TOP1: variants seen among roughly 807,000 people sequenced by gnomAD.
TOP1 encodes DNA topoisomerase I.
TOP1 carries 10 observed loss-of-function variants against 111.1 expected under a neutral mutation model. The ratio of observed to expected loss-of-function variants is 0.09; its 90% CI spans 0.06 to 0.15. TOP1 has a LOEUF of 0.15. Among genes scored for constraint, TOP1 ranks in the 10% least tolerant of loss-of-function variants. The pLI is 1.00. For synonymous variants in TOP1, 271 were observed against 302.9 expected (o/e 0.89, Z 1.10); for missense variants, 474 against 926.7 (o/e 0.51, Z 6.34).
intron 8 of TOP1, among the ~76,000 whole-genome samples, chr20:41,091,552 CTTT>C (rs532948716): frequency 1.0e-5 from 1 of 96,218 alleles, no homozygotes; most frequent in Non-Finnish European, 1.9e-5. Context: ...AATTATTAAC[CTTT>C]TTTTTTTTTT....
intron 3 of TOP1, among the ~76,000 whole-genome samples, chr20:41,072,094 T>G (rs1253786305): frequency 6.6e-6 from 1 of 152,196 alleles, no homozygotes; most frequent in Non-Finnish European, 1.5e-5. Context: ...ACCCTGAAGG[T>G]TTTTATCCTT....
At chr20:41,064,467 C>G (rs2033583501) in intron 3 of TOP1, among the ~76,000 whole-genome samples, 2 of 152,212 alleles carry the variant, frequency 1.3e-5, no homozygotes, top group Admixed American at 1.3e-4. Context: ...TCACCTCTTT[C>G]TAATGCACAG....
rs1202391736 is a variant in TOP1, at chr20:41,034,024, G to C, written c.58+4569G>C. Among the ~76,000 whole-genome samples, 1 of 152,106 alleles carries C rather than the reference G, an allele frequency of 6.6e-6. No individual in the cohort carries two copies. Among genetic ancestry groups the C allele is most frequent in the Non-Finnish European group, 1.5e-5 (1 of 68,010 alleles). On this transcript the variant is annotated intron_variant, in intron 2 of 20. Transcript: ENST00000361337. The surrounding 1 kb of genome is among the most constrained non-coding windows in gnomAD (Gnocchi z 4.0). ...ATTGAAAGAATAGTAAAATATATTG[G>C]ATGTGGAGGTGAGAGTCAGTTGAGT...
At position 41,074,652 on chromosome 20, in the gene TOP1, C is replaced by T. The variant is rs187106106; in HGVS notation, c.156-1519C>T. On this transcript the variant is annotated intron_variant, in intron 3 of 20. Coordinates refer to ENST00000361337, the MANE Select transcript of TOP1 (RefSeq NM_003286.4). Reference sequence around the variant, plus strand: ...TGTGCAGGGTGTAATAGCAGATGTTCTCCTGATCTAGATTTTGTTGCTCTG... The same window carrying T: ...TGTGCAGGGTGTAATAGCAGATGTTTTCCTGATCTAGATTTTGTTGCTCTG... Among the ~76,000 whole-genome samples, 45 of 152,282 alleles carry T rather than the reference C, an allele frequency of 3.0e-4. No homozygotes were observed. In the East Asian group the frequency reaches 6.7e-3, roughly 23 times the overall value.
At chr20:41,077,446 A>G (rs2033741497) in intron 4 of TOP1, 136 bp from the exon 5 acceptor site, 1 of 666,458 alleles carries the variant, frequency 1.5e-6, no homozygotes, top group Admixed American at 2.5e-5. Context: ...CCTTTAGTTC[A>G]TCTGTTCAGT....
At chr20:41,093,390 G>A (rs1300010378) in intron 9 of TOP1, among the ~76,000 whole-genome samples, 4 of 151,954 alleles carry the variant, frequency 2.6e-5, no homozygotes, top group African/African-American at 9.7e-5. Context: ...ACAGTTGTGG[G>A]GTGGGCTTCT....
At chr20:41,085,502 T>A (rs970885325) in intron 8 of TOP1, among the ~76,000 whole-genome samples, 49 of 152,256 alleles carry the variant, frequency 3.2e-4, no homozygotes, top group Admixed American at 3.3e-4. Context: ...AACATGTTTT[T>A]AAAAAATACT....
intron 7 of TOP1, among the ~76,000 whole-genome samples, chr20:41,081,525 G>A (rs546866346): frequency 6.6e-6 from 1 of 152,282 alleles, no homozygotes; most frequent in African/African-American, 2.4e-5. Context: ...CAAAAACTAT[G>A]TCATCTTCAT....
At position 41,109,691 on chromosome 20, in the gene TOP1, G is replaced by A. The variant is rs139641064; in HGVS notation, c.1309-3091G>A. On this transcript the variant is annotated intron_variant, in intron 13 of 20. Coordinates refer to ENST00000361337, the MANE Select transcript of TOP1 (RefSeq NM_003286.4). The surrounding 1 kb of genome is among the most constrained non-coding windows in gnomAD (Gnocchi z 4.1). ...CTATACAAAAGAAGATACAGGAATG[G>A]TCAATAAATAAGCAAATGAAAGAGT... is the stretch of plus-strand genomic sequence containing the variant. Among the ~76,000 whole-genome samples, 128 of 152,280 alleles carry A rather than the reference G, an allele frequency of 8.4e-4. No individual in the cohort carries two copies. Among genetic ancestry groups the A allele is most frequent in the Admixed American group, 2.7e-3 (41 of 15,296 alleles).
At position 41,095,992 on chromosome 20, in the gene TOP1, A is replaced by G. The variant is rs1330045396; in HGVS notation, c.731-1228A>G. Among the ~76,000 whole-genome samples the G allele has an allele frequency of 6.6e-6, 1 of 152,228 alleles. No individual in the cohort carries two copies. Among genetic ancestry groups the G allele is most frequent in the Admixed American group, 6.5e-5 (1 of 15,292 alleles). On this transcript the variant is annotated intron_variant, in intron 9 of 20. Coordinates refer to ENST00000361337, the MANE Select transcript of TOP1 (RefSeq NM_003286.4). The surrounding 1 kb of genome is among the most constrained non-coding windows in gnomAD (Gnocchi z 4.6). ...TTGCTTTATTAACTAAATCAGGTATATAAAACCCATAGGCCCTATTCAGAT... is the reference window on the plus strand; with the variant it reads ...TTGCTTTATTAACTAAATCAGGTATGTAAAACCCATAGGCCCTATTCAGAT...
chr20:41,056,793 A>T (rs959895504), intron 2 of TOP1, among the ~76,000 whole-genome samples: 1 of 152,176 alleles, frequency 6.6e-6, no homozygotes, highest in Non-Finnish European at 1.5e-5. Flanking sequence ...TTCCTTTAAA[A>T]TAGGAATACT....
chr20:41,100,219 A>G lies in TOP1; in HGVS notation c.1139A>G (p.Glu380Gly), dbSNP rs1568697822. ...ATGCTGAAGAGACGAATCATGCCCG[A>G]GGATATAATCATCAACTGTAGCAAG... The part of the protein sequence containing the change: ...MGMLKRRIMP[E>G]DIIINCSKDA... Residue 380 changes from glutamate to glycine, a missense_variant, in exon 12 of 21, where the codon GAG (glutamate) becomes GGG (glycine). Glu to Gly is a moderately conservative substitution (Grantham distance 98). Transcript: ENST00000361337. The surrounding 1 kb of genome is among the most constrained non-coding windows in gnomAD (Gnocchi z 4.4). 1 of 1,613,804 alleles carries G rather than the reference A, an allele frequency of 6.2e-7. No homozygotes were observed. The highest frequency in any genetic ancestry group is 8.5e-7 in the Non-Finnish European group (1 of 1,179,870).
At position 41,123,911 on chromosome 20, in the gene TOP1, T is replaced by G. The variant is rs1220521118; in HGVS notation, c.*614T>G. The G allele has an allele frequency of 8.6e-6, 2 of 232,632 alleles. No homozygotes were observed. The highest frequency in any genetic ancestry group is 1.7e-5 in the Non-Finnish European group (2 of 117,426). The allele number at this position is 232,632 out of a possible 1,614,324, so 14.4% of individuals were successfully genotyped here. ...AGAAAAAGCATGATGGGAAAATATT[T>G]CCTGACTTGAGTGTTCCTTTTTAAA... On this transcript the variant is annotated 3_prime_UTR_variant, in exon 21 of 21. Transcript: ENST00000361337. This position sits in a 1 kb window ranked among gnomAD's most constrained non-coding sequence, Gnocchi z 5.8.
chr20:41,032,093 T>C lies in TOP1; in HGVS notation c.58+2638T>C, dbSNP rs2033127280. Among the ~76,000 whole-genome samples the C allele has an allele frequency of 6.6e-6, 1 of 152,228 alleles. No homozygotes were observed. The highest frequency in any genetic ancestry group is 2.4e-5 in the African/African-American group (1 of 41,462). Reference sequence around the variant, plus strand: ...CAATGTTTAATTATGCCCAGACATGTCATTATTGAACTTTGTATTAAGAGA... The same window carrying C: ...CAATGTTTAATTATGCCCAGACATGCCATTATTGAACTTTGTATTAAGAGA... On this transcript the variant is annotated intron_variant, in intron 2 of 20. Transcript: ENST00000361337. This position sits in a 1 kb window ranked among gnomAD's most constrained non-coding sequence, Gnocchi z 4.3.
chr20:41,101,131 T>G lies in TOP1; in HGVS notation c.1164-78T>G, dbSNP rs1185939532. On this transcript the variant is annotated intron_variant, in intron 12 of 20. Transcript: ENST00000361337. The surrounding 1 kb of genome is among the most constrained non-coding windows in gnomAD (Gnocchi z 4.1). The stretch of plus-strand genomic sequence containing the variant: ...AACTTGGAAAATTATGCTCAGCAGA[T>G]AGGTCCACTTGGGGTCATGAAAGGT... 3 of 1,500,142 alleles carry G rather than the reference T, an allele frequency of 2.0e-6. No homozygotes were observed. Among genetic ancestry groups the G allele is most frequent in the African/African-American group, 1.4e-5 (1 of 72,598 alleles). 92.9% of individuals were successfully genotyped at this position (1,500,142 alleles called of 1,614,324 possible).
rs988237941 is a variant in TOP1 at position 41,121,773 on chromosome 20, G to C, written c.2028G>C (p.Lys676Asn). The C allele has an allele frequency of 1.2e-6, 2 of 1,614,046 alleles. No homozygotes were observed. The highest frequency in any genetic ancestry group is 1.7e-6 in the Non-Finnish European group (2 of 1,179,974). Residue 676 changes from lysine to asparagine, a missense_variant, in exon 19 of 21, where the codon AAG (lysine) becomes AAC (asparagine). Around this residue, in one of 14 missense-constraint regions of TOP1, gnomAD observed 36 missense variants for 42.3 expected, o/e 0.85. Coordinates refer to ENST00000361337, the MANE Select transcript of TOP1 (RefSeq NM_003286.4). This position sits in a 1 kb window ranked among gnomAD's most constrained non-coding sequence, Gnocchi z 4.2. The part of the protein sequence containing the change: ...KSAKADAKVM[K>N]DAKTKKVVES... ...CTAAGGCTGATGCCAAGGTCATGAA[G>C]GATGCAAAGACGAAGAAGTATGTAC...
intron 8 of TOP1, among the ~76,000 whole-genome samples, chr20:41,088,648 C>T (rs1321915772): frequency 2.6e-5 from 4 of 152,156 alleles, no homozygotes; most frequent in African/African-American, 7.2e-5. Flanking sequence ...TGCTCTCATA[C>T]ACCTACATAT....
chr20:41,064,739 T>C (rs911421391), intron 3 of TOP1, among the ~76,000 whole-genome samples: 1 of 152,176 alleles, frequency 6.6e-6, no homozygotes, highest in African/African-American at 2.4e-5. Context: ...AATGCCACTT[T>C]TGTGTGCTCT....
At chr20:41,107,634 A>C (rs2034167969) in intron 13 of TOP1, among the ~76,000 whole-genome samples, 1 of 152,222 alleles carries the variant, frequency 6.6e-6, no homozygotes, top group Non-Finnish European at 1.5e-5. Context: ...CATACTAAAC[A>C]TACTCACTTG....
Sources: gnomAD v4.1 joint callset for allele counts (sites outside exome capture counted in the v4.1 genomes callset) on GRCh38, gnomAD v4.1.1 for gene constraint, gnomAD v4.1.1 regional missense constraint, Gnocchi (gnomAD v3.1) non-coding constraint, MANE v1.5 for transcripts, NCBI Gene and HGNC (gene_info 2026-07-23, HGNC 2026-07-21) for gene names.